CENPF: variants seen among roughly 807,000 people sequenced by gnomAD.
The protein encoded by CENPF is AH antigen.
A neutral mutation model predicts 307.3 loss-of-function variants in CENPF; 214 were observed. That is an observed-to-expected ratio of 0.70 (90% confidence interval 0.62 to 0.78). The LOEUF is 0.78. Ranked by LOEUF, CENPF falls within the 30% of genes least tolerant of loss-of-function variation. The probability of loss-of-function intolerance (pLI) is 0.00; values close to 1 mark genes in which losing one functional copy is unlikely to be tolerated. For synonymous variants in CENPF, 1,259 were observed against 1,270.6 expected, an observed-to-expected ratio of 0.99 and a Z score of 0.19; for missense variants, 3,401 against 3,483.9, an observed-to-expected ratio of 0.98 and a Z score of 0.60.
intron 18 of CENPF, among the ~76,000 whole-genome samples, chr1:214,658,169 A>G (rs111408045): frequency 7.4e-6 from 1 of 135,360 alleles, no homozygotes; most frequent in African/African-American, 2.6e-5. Flanking sequence ...GGTAATTTTT[A>G]TATGTAGTTA....
In CENPF at chr1:214,629,111, A is replaced by G. The variant is rs772097988; in HGVS notation, c.1134A>G (p.Ala378=). 13 of 1,612,350 alleles carry G rather than the reference A, an allele frequency of 8.1e-6. No homozygotes were observed. The South Asian group carries it at 1.3e-4, about 16-fold the overall frequency. The change falls in exon 8 of 20, where the codon GCA becomes GCG. Residue 378 remains alanine, a synonymous_variant. Coordinates refer to ENST00000366955, the MANE Select transcript of CENPF (RefSeq NM_016343.4). Reference sequence around the variant, plus strand: ...ATTTGAGTTGTCAGCGACAAAATGCAGAAAGTGCCAGATGTTCTCTGGAAC... The same window carrying G: ...ATTTGAGTTGTCAGCGACAAAATGCGGAAAGTGCCAGATGTTCTCTGGAAC... ...TEDLSCQRQN[A]ESARCSLEQK...
Position 214,649,170 on chromosome 1 carries a change from G to A in CENPF, c.7983+343G>A, listed in dbSNP as rs548323274. Among the ~76,000 whole-genome samples the A allele has an allele frequency of 3.2e-4, 49 of 152,328 alleles. No individual in the cohort carries two copies. The South Asian group carries it at 9.5e-3, about 30-fold the overall frequency. ...TTATCTGCCTCCCTAGCTTGCCACAGATTACAGGGTGGAATGTTGCTAGAA... is the reference window on the plus strand; with the variant it reads ...TTATCTGCCTCCCTAGCTTGCCACAAATTACAGGGTGGAATGTTGCTAGAA... On this transcript the variant is annotated intron_variant, in intron 14 of 19. Transcript: ENST00000366955.
rs200431234 is a variant in CENPF, at chr1:214,640,020, C to T, written c.1682C>T (p.Ala561Val). 9 of 1,598,468 alleles carry T rather than the reference C, an allele frequency of 5.6e-6. No homozygotes were observed. Among genetic ancestry groups the T allele is most frequent in the Non-Finnish European group, 7.7e-6 (9 of 1,176,378 alleles). ...LTLEKLKLAV[A>V]DLEKQRDCSQ... Reference sequence around the variant, plus strand: ...TTAGAAAAACTGAAGCTTGCTGTGGCTGATCTGGAAAAGCAGCGAGATTGT... The same window carrying T: ...TTAGAAAAACTGAAGCTTGCTGTGGTTGATCTGGAAAAGCAGCGAGATTGT... Residue 561 changes from alanine to valine, a missense_variant, in exon 12 of 20, where the codon GCT becomes GTT. Coordinates refer to ENST00000366955, the MANE Select transcript of CENPF (RefSeq NM_016343.4).
At chr1:214,607,297 G>A (rs1657062847) in intron 1 of CENPF, among the ~76,000 whole-genome samples, 2 of 152,218 alleles carry the variant, frequency 1.3e-5, no homozygotes, top group Non-Finnish European at 2.9e-5. Flanking sequence ...CTGGGCCTAG[G>A]TTCCTGCAGG....
At chr1:214,607,712 G>A (rs992525787) in intron 1 of CENPF, among the ~76,000 whole-genome samples, 12 of 152,154 alleles carry the variant, frequency 7.9e-5, no homozygotes, top group Admixed American at 2.0e-4. Flanking sequence ...GCACTGGCCC[G>A]GGCGGTGCTC....
chr1:214,644,938 A>G lies in CENPF; in HGVS notation c.5368A>G (p.Ile1790Val), dbSNP rs1456889977. 2 of 1,613,474 alleles carry G rather than the reference A, an allele frequency of 1.2e-6. No homozygotes were observed. Among genetic ancestry groups the G allele is most frequent in the Admixed American group, 1.7e-5 (1 of 59,868 alleles). The change falls in exon 13 of 20, where the codon ATA becomes GTA. Residue 1790 changes from isoleucine (I) to valine (V), a missense_variant. Ile to Val is a conservative substitution (Grantham distance 29). Coordinates refer to ENST00000366955, the MANE Select transcript of CENPF (RefSeq NM_016343.4). Reference sequence around the variant, plus strand: ...TGAGAATTTGAGATTACTTCATGTGATAGAGGACCGTGACAGAAAAGTTGA... The same window carrying G: ...TGAGAATTTGAGATTACTTCATGTGGTAGAGGACCGTGACAGAAAAGTTGA... ...SNENLRLLHV[I>V]EDRDRKVESL...
At chr1:214,661,615 T>C (rs1282149313) in intron 19 of CENPF, among the ~76,000 whole-genome samples, 1 of 152,204 alleles carries the variant, frequency 6.6e-6, no homozygotes, top group Non-Finnish European at 1.5e-5. Context: ...TGGGATGGAT[T>C]AGCTCAGGAA....
chr1:214,613,615 G>C (rs577671789), intron 1 of CENPF, 99 bp from the exon 2 acceptor site: 48 of 848,864 alleles, frequency 5.7e-5, no homozygotes, highest in Non-Finnish European at 8.6e-5. Context: ...ATGTGGTCTT[G>C]AAACTTGATT....
intron 10 of CENPF, among the ~76,000 whole-genome samples, chr1:214,637,513 A>G (rs1251472902): frequency 6.6e-6 from 1 of 150,808 alleles, no homozygotes; most frequent in African/African-American, 2.4e-5. Flanking sequence ...TTGCAAAGGT[A>G]TATTTGGCCA....
chr1:214,603,567 A>C (rs1475346194), intron 1 of CENPF: 1 of 152,154 alleles, frequency 6.6e-6, no homozygotes, highest in Non-Finnish European at 1.5e-5. Context: ...GTCTCGGATT[A>C]GTGTCCCAGA....
intron 1 of CENPF, chr1:214,608,834 C>G (rs895258441): frequency 3.1e-5 from 49 of 1,585,320 alleles, no homozygotes; most frequent in Admixed American, 1.0e-4. Flanking sequence ...AGCGACAGCC[C>G]GTTCATGGCG....
chr1:214,632,331 C>T, intron 9 of CENPF, 149 bp from the exon 10 acceptor site: 1 of 736,230 alleles, frequency 1.4e-6, no homozygotes. Flanking sequence ...TATTTTAAGA[C>T]ATATTTAGCT....
chr1:214,633,921 C>A (rs775920626), intron 10 of CENPF, among the ~76,000 whole-genome samples: 6 of 152,226 alleles, frequency 3.9e-5, no homozygotes, highest in Non-Finnish European at 8.8e-5. Flanking sequence ...TCCCTTTCAG[C>A]CAGGAACTCT....
chr1:214,653,541 T>G (rs1658548954), intron 16 of CENPF: 1 of 154,484 alleles, frequency 6.5e-6, no homozygotes, highest in African/African-American at 2.4e-5. Flanking sequence ...GGTACCACTG[T>G]AATTCTACCT....
chr1:214,656,425 C>A (rs958192562), intron 17 of CENPF, among the ~76,000 whole-genome samples: 2 of 152,076 alleles, frequency 1.3e-5, no homozygotes, highest in South Asian at 4.1e-4. Context: ...TTATAGTGTT[C>A]CCCCAAACCC....
At position 214,646,660 on chromosome 1, in the gene CENPF, G is replaced by A; in HGVS notation, c.7090G>A (p.Gly2364Arg). The change falls in exon 13 of 20, where the codon GGA becomes AGA. Residue 2364 changes from glycine to arginine, a missense_variant. Gly to Arg is a moderately radical substitution (Grantham distance 125, BLOSUM62 -2). Coordinates refer to ENST00000366955, the MANE Select transcript of CENPF (RefSeq NM_016343.4). ...AGCTCTTGAGGCAGAGAATTCCAAA[G>A]GAGAGGTAGAGACCCTAAAAGCAAA... ...HAALEAENSK[G>R]EVETLKAKIE... 6.2e-7 allele frequency: 1 copy of A among 1,613,980 alleles called. No homozygotes were observed. Among genetic ancestry groups the A allele is most frequent in the Non-Finnish European group, 8.5e-7 (1 of 1,180,002 alleles).
Position 214,640,109 on chromosome 1 carries a change from A to G in CENPF, c.1771A>G (p.Thr591Ala), listed in dbSNP as rs987031273. 2.5e-6 allele frequency: 4 copies of G among 1,587,628 alleles called. No individual in the cohort carries two copies. The highest frequency in any genetic ancestry group is 1.9e-5 in the Admixed American group (1 of 51,968). Reference protein sequence around the residue: ...IEQLNDKLSKTEKESKALLSA... With the variant: ...IEQLNDKLSKAEKESKALLSA... ...ACAACTTAATGATAAGTTAAGCAAG[A>G]CAGAGAAAGAGTCCAAAGCCTTGCT... is the stretch of plus-strand genomic sequence containing the variant. Residue 591 changes from threonine to alanine, a missense_variant, in exon 12 of 20, where the codon ACA becomes GCA. By Grantham distance (58) the Thr-to-Ala change is moderately conservative (BLOSUM62 0). Transcript: ENST00000366955.
chr1:214,626,481 A>G lies in CENPF; in HGVS notation c.1069-2565A>G, dbSNP rs564285537. Among the ~76,000 whole-genome samples the G allele has an allele frequency of 9.3e-4, 141 of 152,340 alleles. 1 individual carries two copies. The highest frequency in any genetic ancestry group is 3.1e-3 in the African/African-American group (130 of 41,580). On this transcript the variant is annotated intron_variant, in intron 7 of 19. Transcript: ENST00000366955. The stretch of plus-strand genomic sequence containing the variant: ...ACAGAGAAATTCTGGAAAAAGATTG[A>G]TTAGATATATAAAGGAACAATGGTG...
chr1:214,646,003 C>T lies in CENPF; in HGVS notation c.6433C>T (p.Arg2145Cys), dbSNP rs114218080. 1,134 of 1,613,972 alleles carry T rather than the reference C, an allele frequency of 7.0e-4. 5 individuals carry two copies. In the African/African-American group the frequency reaches 9.5e-3, roughly 14 times the overall value. The change falls in exon 13 of 20, where the codon CGC (arginine) becomes TGC (cysteine). Residue 2145 changes from arginine to cysteine, a missense_variant. Arg to Cys is a radical substitution (Grantham distance 180). Transcript: ENST00000366955. ...QLHIAEKLKE[R>C]ERENDSLKDK... ...GCACATCGCAGAGAAACTGAAAGAACGCGAGCGGGAGAATGATTCACTTAA... is the reference window on the plus strand; with the variant it reads ...GCACATCGCAGAGAAACTGAAAGAATGCGAGCGGGAGAATGATTCACTTAA...
Sources: allele counts gnomAD v4.1 joint callset (sites outside exome capture counted in the v4.1 genomes callset), GRCh38; gene constraint gnomAD v4.1.1; transcripts MANE v1.5; gene names NCBI Gene and HGNC (gene_info 2026-07-23, HGNC 2026-07-21).